NEK11: variants seen among roughly 807,000 people sequenced by gnomAD.
NEK11 encodes the protein serine/threonine-protein kinase Nek11.
NEK11 carries 72 observed loss-of-function variants against 80.7 expected under a neutral mutation model. That is an observed-to-expected ratio of 0.89 (90% confidence interval 0.74 to 1.08). NEK11 has a LOEUF of 1.08. Ranked by LOEUF, NEK11 falls within the 50% of genes least tolerant of loss-of-function variation. The pLI is 0.00. For missense variants in NEK11, 764 were observed against 763.6 expected (o/e 1.00, Z -0.01); for synonymous variants, 251 against 260.7 (o/e 0.96, Z 0.36).
intron 17 of NEK11, among the ~76,000 whole-genome samples, chr3:131,336,442 C>T (rs1017569917): frequency 2.0e-5 from 3 of 152,174 alleles, no homozygotes; most frequent in Non-Finnish European, 4.4e-5. Flanking sequence ...TGGATCCCTT[C>T]CTTACACCTT....
Position 131,029,776 on chromosome 3 carries a change from C to T in NEK11, c.68C>T (p.Thr23Ile). The T allele has an allele frequency of 6.2e-7, 1 of 1,614,158 alleles. No homozygotes were observed. Among genetic ancestry groups the T allele is most frequent in the Non-Finnish European group, 8.5e-7 (1 of 1,179,990 alleles). Residue 23 changes from threonine to isoleucine, a missense_variant, in exon 3 of 18, where the codon ACC becomes ATC. Coordinates refer to ENST00000383366, the MANE Select transcript of NEK11 (RefSeq NM_024800.5). ...GSTAISTYPK[T>I]LIARRYVLQQ... ...ACAGCCATTTCCACTTATCCAAAGACCTTGATTGCAAGAAGATACGTGCTT... is the reference window on the plus strand; with the variant it reads ...ACAGCCATTTCCACTTATCCAAAGATCTTGATTGCAAGAAGATACGTGCTT...
intron 17 of NEK11, among the ~76,000 whole-genome samples, chr3:131,285,413 C>T (rs1438090815): frequency 6.6e-6 from 1 of 152,186 alleles, no homozygotes; most frequent in African/African-American, 2.4e-5. Context: ...CCTGCGTCTA[C>T]CAGTCACTCA....
intron 4 of NEK11, among the ~76,000 whole-genome samples, chr3:131,102,268 TGCCTGTGG>T (rs1411729120): frequency 1.3e-5 from 2 of 152,208 alleles, no homozygotes; most frequent in Non-Finnish European, 2.9e-5. Flanking sequence ...TGCTTTGCAG[TGCCTGTGG>T]GCTATGTGCC....
intron 14 of NEK11, 30 bp downstream of exon 14, chr3:131,170,917 T>A: frequency 1.3e-6 from 2 of 1,504,352 alleles, no homozygotes; most frequent in African/African-American, 2.7e-5. Context: ...TTCAGAAGGA[T>A]GCTCACAGCT....
At chr3:131,171,188 G>C (rs532842313) in intron 14 of NEK11, among the ~76,000 whole-genome samples, 1 of 152,180 alleles carries the variant, frequency 6.6e-6, no homozygotes. Context: ...TGCAAACTCC[G>C]AATACTCTGG....
intron 5 of NEK11, among the ~76,000 whole-genome samples, chr3:131,122,543 A>ACATG (rs1459609007): frequency 2.0e-5 from 3 of 152,374 alleles, no homozygotes; most frequent in East Asian, 3.9e-4. Flanking sequence ...GGCAAAGACC[A>ACATG]GTAACAGGAG....
intron 17 of NEK11, among the ~76,000 whole-genome samples, chr3:131,295,552 T>A (rs1448866014): frequency 5.9e-5 from 9 of 152,212 alleles, no homozygotes. Flanking sequence ...TATGTGTAAT[T>A]TTTTTGCATT....
intron 3 of NEK11, among the ~76,000 whole-genome samples, chr3:131,079,332 A>G (rs1171967563): frequency 6.6e-6 from 1 of 152,210 alleles, no homozygotes; most frequent in Non-Finnish European, 1.5e-5. Flanking sequence ...GGACTGGAGA[A>G]TGATGGTTAA....
intron 5 of NEK11, among the ~76,000 whole-genome samples, chr3:131,126,190 C>T (rs1054018505): frequency 6.6e-6 from 1 of 152,086 alleles, no homozygotes; most frequent in Non-Finnish European, 1.5e-5. Flanking sequence ...TTATGTACCC[C>T]ACAAATTATT....
At chr3:131,315,854 A>T (rs1040801474) in intron 17 of NEK11, among the ~76,000 whole-genome samples, 1 of 151,750 alleles carries the variant, frequency 6.6e-6, no homozygotes, top group African/African-American at 2.4e-5. Flanking sequence ...ATAGCTTCCA[A>T]CTCCATTCAT....
chr3:131,250,298 C>T (rs148946338), intron 16 of NEK11, among the ~76,000 whole-genome samples: 338 of 151,810 alleles, frequency 2.2e-3, no homozygotes, highest in Non-Finnish European at 3.5e-3. Flanking sequence ...AGAAAAATAT[C>T]TAGAGAGAAT....
intron 14 of NEK11, among the ~76,000 whole-genome samples, chr3:131,203,164 C>G (rs1368303541): frequency 1.3e-5 from 2 of 152,030 alleles, no homozygotes; most frequent in Admixed American, 1.3e-4. Flanking sequence ...CAATAGCAAA[C>G]ACTTGGAATC....
intron 17 of NEK11, among the ~76,000 whole-genome samples, chr3:131,281,545 G>A (rs1006294288): frequency 2.0e-5 from 3 of 152,110 alleles, no homozygotes; most frequent in African/African-American, 4.8e-5. Flanking sequence ...TCGCTAGTAC[G>A]AATAGTGCTG....
intron 17 of NEK11, among the ~76,000 whole-genome samples, chr3:131,348,631 C>T (rs193094951): frequency 6.6e-6 from 1 of 150,532 alleles, no homozygotes; most frequent in Admixed American, 6.7e-5. Flanking sequence ...AGTTTGTGAC[C>T]CTTTCTGGAG....
chr3:131,187,755 C>A (rs2093652840), intron 14 of NEK11, among the ~76,000 whole-genome samples: 1 of 152,118 alleles, frequency 6.6e-6, no homozygotes, highest in Non-Finnish European at 1.5e-5. Context: ...CACTGTGATA[C>A]TATTATGCTG....
chr3:131,069,366 T>A lies in NEK11; in HGVS notation c.171-11057T>A, dbSNP rs1352584905. On this transcript the variant is annotated intron_variant, in intron 3 of 17. Transcript: ENST00000383366. ...TTGTATTTTTCTGTAATATTCAAAA[T>A]ACAAACCTGGTGGGACTGTAAACTA... is the stretch of plus-strand genomic sequence containing the variant. Among the ~76,000 whole-genome samples the A allele has an allele frequency of 2.0e-5, 3 of 152,184 alleles. No homozygotes were observed. In the East Asian group the frequency reaches 5.8e-4, roughly 29 times the overall value.
intron 5 of NEK11, among the ~76,000 whole-genome samples, chr3:131,112,720 A>G (rs775888313): frequency 2.0e-5 from 3 of 152,196 alleles, no homozygotes; most frequent in Non-Finnish European, 4.4e-5. Context: ...GGTTTCAAGT[A>G]TGATGAAAAA....
intron 17 of NEK11, among the ~76,000 whole-genome samples, chr3:131,345,483 T>C (rs1296792542): frequency 6.6e-6 from 1 of 152,126 alleles, no homozygotes; most frequent in Non-Finnish European, 1.5e-5. Flanking sequence ...AATTAAAACC[T>C]ATGAAATATC....
chr3:131,132,736 C>A lies in NEK11; in HGVS notation c.456-9C>A. 2 of 1,475,564 alleles carry A rather than the reference C, an allele frequency of 1.4e-6. No homozygotes were observed. Among genetic ancestry groups the A allele is most frequent in the Non-Finnish European group, 1.9e-6 (2 of 1,078,214 alleles). The allele number at this position is 1,475,564 out of a possible 1,614,324, so 91.4% of individuals were successfully genotyped here. ...GCATGAAGTTGTATATCTTTTTTGCCTTTTGTAGGAGGATACTTCATCGAG... is the reference window on the plus strand; with the variant it reads ...GCATGAAGTTGTATATCTTTTTTGCATTTTGTAGGAGGATACTTCATCGAG... On this transcript the variant is annotated splice_polypyrimidine_tract_variant and intron_variant, in intron 5 of 17. Transcript: ENST00000383366.
Sources: gnomAD v4.1 joint callset for allele counts (sites outside exome capture counted in the v4.1 genomes callset) on GRCh38, gnomAD v4.1.1 for gene constraint, MANE v1.5 for transcripts, NCBI Gene and HGNC (gene_info 2026-07-23, HGNC 2026-07-21) for gene names.